PIK3R1: variants seen among roughly 807,000 people sequenced by gnomAD.
PIK3R1 encodes phosphatidylinositol 3-kinase regulatory subunit alpha.
In PIK3R1, 29 loss-of-function variants were observed where a neutral mutation model predicts 98.0. The ratio of observed to expected loss-of-function variants is 0.30; its 90% CI spans 0.22 to 0.40. The LOEUF (loss-of-function observed/expected upper bound fraction) is 0.40. PIK3R1 is among the 10% of genes least tolerant of loss of function. The probability of loss-of-function intolerance (pLI) is 1.00; values close to 1 mark genes in which losing one functional copy is unlikely to be tolerated. For missense variants in PIK3R1, 596 were observed against 872.7 expected, an observed-to-expected ratio of 0.68 and a Z score of 3.99; for synonymous variants, 282 against 311.8, an observed-to-expected ratio of 0.90 and a Z score of 1.01.
intron 2 of PIK3R1, among the ~76,000 whole-genome samples, chr5:68,240,263 G>C (rs1000899709): frequency 1.3e-5 from 2 of 152,162 alleles, no homozygotes; most frequent in African/African-American, 4.8e-5. Context: ...TCTACTAAAA[G>C]CAGCTTTAGA....
chr5:68,247,673 G>C (rs778822673), intron 2 of PIK3R1, among the ~76,000 whole-genome samples: 11 of 150,302 alleles, frequency 7.3e-5, no homozygotes, highest in Non-Finnish European at 1.5e-4. Context: ...TGACATCTTG[G>C]GGTCACCTGA....
At chr5:68,216,976 G>T (rs920489434) in intron 1 of PIK3R1, among the ~76,000 whole-genome samples, 1 of 152,194 alleles carries the variant, frequency 6.6e-6, no homozygotes, top group Non-Finnish European at 1.5e-5. Context: ...TTCCCGGGGC[G>T]CTATTAATAT....
chr5:68,273,128 G>A (rs1025827213), intron 2 of PIK3R1, among the ~76,000 whole-genome samples: 2 of 152,084 alleles, frequency 1.3e-5, no homozygotes, highest in Non-Finnish European at 2.9e-5. Flanking sequence ...ACCTAGACAG[G>A]GGGGTTTGTC....
intron 7 of PIK3R1, chr5:68,290,939 T>G: frequency 1.4e-6 from 1 of 725,196 alleles, no homozygotes; most frequent in Non-Finnish European, 2.2e-6. Flanking sequence ...TTTATTAATT[T>G]GTTTCATTGA....
intron 2 of PIK3R1, among the ~76,000 whole-genome samples, chr5:68,233,322 C>T (rs1744550532): frequency 6.6e-6 from 1 of 152,198 alleles, no homozygotes; most frequent in Non-Finnish European, 1.5e-5. Context: ...TCTGAAGTCT[C>T]AGATAGGAGA....
At chr5:68,235,262 G>A (rs1456822085) in intron 2 of PIK3R1, among the ~76,000 whole-genome samples, 3 of 152,066 alleles carry the variant, frequency 2.0e-5, no homozygotes, top group South Asian at 4.2e-4. Context: ...AATTAGCTGG[G>A]TGTGATGGTG....
intron 7 of PIK3R1, 33 bp downstream of exon 7, chr5:68,281,039 T>C (rs368727423): frequency 1.2e-4 from 177 of 1,441,482 alleles, no homozygotes; most frequent in Non-Finnish European, 1.7e-4. Flanking sequence ...CATTCTCTCA[T>C]TGTTCATTTT....
intron 5 of PIK3R1, among the ~76,000 whole-genome samples, chr5:68,279,977 T>G (rs1746757747): frequency 6.6e-6 from 1 of 152,174 alleles, no homozygotes; most frequent in African/African-American, 2.4e-5. Context: ...AACCTATTGG[T>G]CTTAACAAAG....
intron 2 of PIK3R1, among the ~76,000 whole-genome samples, chr5:68,254,936 C>G (rs1745453185): frequency 6.6e-6 from 1 of 152,112 alleles, no homozygotes; most frequent in Non-Finnish European, 1.5e-5. Context: ...TGAGTAACCT[C>G]CAAATTCTTC....
At chr5:68,268,728 T>C (rs1297016498) in intron 2 of PIK3R1, among the ~76,000 whole-genome samples, 2 of 152,238 alleles carry the variant, frequency 1.3e-5, no homozygotes, top group African/African-American at 2.4e-5. Flanking sequence ...GCTTAAACTT[T>C]CCAGTGGGCC....
chr5:68,219,206 A>G (rs915347925), intron 1 of PIK3R1, among the ~76,000 whole-genome samples: 4 of 152,218 alleles, frequency 2.6e-5, no homozygotes, highest in Non-Finnish European at 5.9e-5. Flanking sequence ...ATTGGAAAAA[A>G]TGTCTACTGT....
intron 2 of PIK3R1, among the ~76,000 whole-genome samples, chr5:68,264,219 T>C (rs1746025148): frequency 6.6e-6 from 1 of 152,184 alleles, no homozygotes; most frequent in Admixed American, 6.5e-5. Context: ...GAGGTGATGG[T>C]GAAAAGCTGG....
chr5:68,284,858 G>C (rs993113472), intron 7 of PIK3R1, among the ~76,000 whole-genome samples: 11 of 143,910 alleles, frequency 7.6e-5, no homozygotes, highest in African/African-American at 2.7e-4. Context: ...TGGGAAATAA[G>C]GATTCTCCTC....
chr5:68,250,344 C>A (rs376325371), intron 2 of PIK3R1, among the ~76,000 whole-genome samples: 2 of 152,222 alleles, frequency 1.3e-5, no homozygotes, highest in African/African-American at 4.8e-5. Flanking sequence ...CATTGCCACA[C>A]GTCTTCTGCT....
rs1385396768 is a variant in PIK3R1, at chr5:68,288,828, T to A, written c.917-3431T>A. On this transcript the variant is annotated intron_variant, in intron 7 of 15. Transcript: ENST00000521381. ...TTTCTGTAGTTTGTCTTGGAGTACG[T>A]GTGTGTGCGTGCGCCCCTGTAAGCG... The A allele has an allele frequency of 5.0e-5, 72 of 1,434,704 alleles. No homozygotes were observed. The East Asian group carries it at 1.6e-3, about 32-fold the overall frequency. The allele number at this position is 1,434,704 out of a possible 1,614,324, so 88.9% of individuals were successfully genotyped here.
rs535176255 is a variant in PIK3R1 at position 68,284,701 on chromosome 5, G to C, written c.916+3695G>C. Among the ~76,000 whole-genome samples the C allele has an allele frequency of 2.6e-5, 4 of 152,292 alleles. No homozygotes were observed. The South Asian group carries it at 8.3e-4, about 32-fold the overall frequency. Reference sequence around the variant, plus strand: ...TCATCTGCTTAATTACATTTCTAAAGGGTAGGGGTAAAGGCTTTTTCTCCT... The same window carrying C: ...TCATCTGCTTAATTACATTTCTAAACGGTAGGGGTAAAGGCTTTTTCTCCT... On this transcript the variant is annotated intron_variant, in intron 7 of 15. Coordinates refer to ENST00000521381, the MANE Select transcript of PIK3R1 (RefSeq NM_181523.3).
intron 1 of PIK3R1, among the ~76,000 whole-genome samples, chr5:68,216,172 C>G (rs251394): frequency 0.54 from 82,054 of 151,974 alleles, 24,130 homozygotes; most frequent in African/African-American, 0.78. Flanking sequence ...GTGAGATCCC[C>G]GCCATCCTGA....
intron 4 of PIK3R1, among the ~76,000 whole-genome samples, chr5:68,278,102 G>T (rs1746657467): frequency 6.6e-6 from 1 of 151,876 alleles, no homozygotes; most frequent in East Asian, 1.9e-4. Context: ...TCTTCTGCTG[G>T]GCATTGTGTC....
At position 68,280,534 on chromosome 5, in the gene PIK3R1, A is replaced by T. The variant is rs764491846; in HGVS notation, c.641A>T (p.Gln214Leu). The change falls in exon 6 of 16, where the codon CAA becomes CTA. Residue 214 changes from glutamine (Q) to leucine (L), a missense_variant. Coordinates refer to ENST00000521381, the MANE Select transcript of PIK3R1 (RefSeq NM_181523.3). ...SEMISLAPEV[Q>L]SSEEYIQLLK... Reference sequence around the variant, plus strand: ...TTTTTTTTTAAACTTGTAGAAGTACAAAGCTCCGAAGAATATATTCAGCTA... The same window carrying T: ...TTTTTTTTTAAACTTGTAGAAGTACTAAGCTCCGAAGAATATATTCAGCTA... The T allele has an allele frequency of 6.2e-7, 1 of 1,606,284 alleles. No homozygotes were observed. The highest frequency in any genetic ancestry group is 2.2e-5 in the East Asian group (1 of 44,814).
Sources: gnomAD v4.1 joint callset for allele counts (sites outside exome capture counted in the v4.1 genomes callset) on GRCh38, gnomAD v4.1.1 for gene constraint, MANE v1.5 for transcripts, NCBI Gene and HGNC (gene_info 2026-07-23, HGNC 2026-07-21) for gene names.